The following CTNNA3 variants were observed in gnomAD, a reference collection of about 807,000 sequenced individuals.
CTNNA3 encodes catenin alpha 3, also known as catenin alpha-3.
Under a neutral mutation model 95.7 loss-of-function variants are expected in CTNNA3, and 76 were observed. That is an observed-to-expected ratio of 0.79 (90% CI 0.66 to 0.96). CTNNA3 has a LOEUF of 0.96. Ranked by LOEUF, CTNNA3 falls within the 40% of genes least tolerant of loss-of-function variation. The pLI is 0.00. For synonymous variants in CTNNA3, 431 were observed against 374.4 expected (o/e 1.15, Z -1.74); for missense variants, 1,191 against 1,089.8 (o/e 1.09, Z -1.31).
At chr10:67,564,116 C>A (rs1350830450) in intron 3 of CTNNA3, among the ~76,000 whole-genome samples, 1 of 149,642 alleles carries the variant, frequency 6.7e-6, no homozygotes, top group Non-Finnish European at 1.5e-5. Flanking sequence ...CTAGAAATAC[C>A]ATTTGACCCA....
intron 11 of CTNNA3, among the ~76,000 whole-genome samples, chr10:66,491,249 A>G (rs1216621275): frequency 6.6e-6 from 1 of 152,194 alleles, no homozygotes; most frequent in East Asian, 1.9e-4. Flanking sequence ...TCGGCCTATA[A>G]TAGCATATCA....
At chr10:67,126,443 C>A (rs904308755) in intron 7 of CTNNA3, among the ~76,000 whole-genome samples, 1 of 152,024 alleles carries the variant, frequency 6.6e-6, no homozygotes, top group Non-Finnish European at 1.5e-5. Flanking sequence ...GGGAGAATCG[C>A]TTGATCCCGG....
intron 7 of CTNNA3, among the ~76,000 whole-genome samples, chr10:66,851,112 T>G (rs1843468549): frequency 6.6e-6 from 1 of 152,142 alleles, no homozygotes; most frequent in Non-Finnish European, 1.5e-5. Flanking sequence ...TGGAAGATCC[T>G]TTCTGATTTC....
intron 11 of CTNNA3, among the ~76,000 whole-genome samples, chr10:66,402,102 G>A (rs1467914667): frequency 6.6e-6 from 1 of 152,104 alleles, no homozygotes; most frequent in East Asian, 1.9e-4. Flanking sequence ...AAATACCTCA[G>A]ATAAAATTCA....
At chr10:66,817,611 C>T (rs7095347) in intron 7 of CTNNA3, among the ~76,000 whole-genome samples, 73,338 of 151,682 alleles carry the variant, frequency 0.48, 18,133 homozygotes, top group African/African-American at 0.58. Context: ...CAGGGAGCAA[C>T]AGGCAAATGA....
At chr10:67,734,649 A>G (rs1023628908) in intron 1 of CTNNA3, among the ~76,000 whole-genome samples, 7 of 152,200 alleles carry the variant, frequency 4.6e-5, no homozygotes, top group Non-Finnish European at 1.0e-4. Context: ...AGATACTAGG[A>G]TAATTCCTGG....
intron 7 of CTNNA3, among the ~76,000 whole-genome samples, chr10:66,805,208 T>G (rs1019022839): frequency 2.6e-5 from 4 of 151,978 alleles, no homozygotes; most frequent in African/African-American, 4.8e-5. Flanking sequence ...CTTTGTCACT[T>G]TCATCTTTTC....
At chr10:66,204,395 T>C (rs1180879103) in intron 13 of CTNNA3, among the ~76,000 whole-genome samples, 1 of 152,116 alleles carries the variant, frequency 6.6e-6, no homozygotes, top group East Asian at 1.9e-4. Flanking sequence ...AAATATCAGG[T>C]TAACCTCCTT....
chr10:66,428,711 C>T (rs2093266756), intron 11 of CTNNA3, among the ~76,000 whole-genome samples: 1 of 151,966 alleles, frequency 6.6e-6, no homozygotes, highest in South Asian at 2.1e-4. Context: ...CCAACGAGAA[C>T]AAAGACATAA....
chr10:67,525,172 C>G (rs550982200), intron 4 of CTNNA3, among the ~76,000 whole-genome samples: 1 of 149,586 alleles, frequency 6.7e-6, no homozygotes, highest in Non-Finnish European at 1.5e-5. Flanking sequence ...TTTTTTTTAA[C>G]TCGTTATAAA....
chr10:66,361,137 TG>T lies in CTNNA3; in HGVS notation c.1732+18014del, dbSNP rs199542256. On this transcript the variant is annotated intron_variant, in intron 12 of 17. Coordinates refer to ENST00000433211, the MANE Select transcript of CTNNA3 (RefSeq NM_013266.4). ...ATACCCAGCTAAATTTTGAATTTTT[TG>T]TTTTTTTTTTAGTAGAAGTGAGGTC... is the stretch of plus-strand genomic sequence containing the variant. 8.1e-4 allele frequency among the ~76,000 whole-genome samples: 121 copies of T among 148,764 alleles called. 2 individuals are homozygous for T. Among genetic ancestry groups the T allele is most frequent in the Admixed American group, 1.1e-3 (17 of 14,882 alleles).
chr10:66,802,057 C>T (rs1841452276), intron 7 of CTNNA3, among the ~76,000 whole-genome samples: 1 of 151,546 alleles, frequency 6.6e-6, no homozygotes, highest in Non-Finnish European at 1.5e-5. Flanking sequence ...TTAAATGAAC[C>T]TCAGTCCCTT....
chr10:67,502,324 C>T (rs1250552747), intron 5 of CTNNA3, among the ~76,000 whole-genome samples: 2 of 152,150 alleles, frequency 1.3e-5, no homozygotes, highest in East Asian at 3.9e-4. Context: ...AAGACTGCTC[C>T]TGTTCCTTCC....
At chr10:66,466,535 C>G (rs1838924506) in intron 11 of CTNNA3, among the ~76,000 whole-genome samples, 1 of 151,980 alleles carries the variant, frequency 6.6e-6, no homozygotes, top group African/African-American at 2.4e-5. Context: ...TACCATTTCC[C>G]CCCTCACTCA....
intron 3 of CTNNA3, among the ~76,000 whole-genome samples, chr10:67,566,039 G>GTATATATA (rs1437054675): frequency 1.5e-4 from 3 of 19,880 alleles, no homozygotes; most frequent in East Asian, 3.5e-3. Flanking sequence ...ACATATGTGT[G>GTATATATA]TGTGTATATA....
chr10:66,651,512 G>C (rs1282213253), intron 9 of CTNNA3, among the ~76,000 whole-genome samples: 1 of 152,110 alleles, frequency 6.6e-6, no homozygotes, highest in African/African-American at 2.4e-5. Flanking sequence ...GCAGAGAAGG[G>C]GGCAGCGCCC....
rs533999172 is a variant in CTNNA3 at position 66,002,994 on chromosome 10, G to A, written c.2160-14197C>T. On this transcript the variant is annotated intron_variant, in intron 15 of 17. Coordinates refer to ENST00000433211, the MANE Select transcript of CTNNA3 (RefSeq NM_013266.4). ...ACAAAAGGCTGTGTTCCTTGTGAAA[G>A]GAAATTTTGTATGTCATCAAGTAGA... Among the ~76,000 whole-genome samples the A allele has an allele frequency of 1.2e-4, 18 of 152,234 alleles. No homozygotes were observed. In the East Asian group the frequency reaches 1.9e-3, roughly 16 times the overall value.
At position 66,049,729 on chromosome 10, in the gene CTNNA3, G is replaced by T. The variant is rs946682959; in HGVS notation, c.2159+19579C>A. Among the ~76,000 whole-genome samples, 5 of 152,144 alleles carry T rather than the reference G, an allele frequency of 3.3e-5. No homozygotes were observed. In the East Asian group the frequency reaches 9.6e-4, roughly 29 times the overall value. On this transcript the variant is annotated intron_variant, in intron 15 of 17. Coordinates refer to ENST00000433211, the MANE Select transcript of CTNNA3 (RefSeq NM_013266.4). ...ATACCACATGTTCTTACTTATAAGT[G>T]GGAGTTAAATGGTAAGAACTTTTGA...
chr10:66,994,125 T>C (rs1056588186), intron 7 of CTNNA3, among the ~76,000 whole-genome samples: 1 of 152,156 alleles, frequency 6.6e-6, no homozygotes, highest in Non-Finnish European at 1.5e-5. Context: ...ATTCATGTAG[T>C]AAGTGAGTTG....
Sources: allele counts gnomAD v4.1 joint callset (sites outside exome capture counted in the v4.1 genomes callset), GRCh38; gene constraint gnomAD v4.1.1; transcripts MANE v1.5; gene names NCBI Gene and HGNC (gene_info 2026-07-23, HGNC 2026-07-21).